The following ADAMTSL1 variants were observed in gnomAD, a reference collection of about 807,000 sequenced individuals.
ADAMTSL1 encodes the protein ADAMTS like 1.
In ADAMTSL1, 126 loss-of-function variants were observed where a neutral mutation model predicts 201.8. The observed-to-expected ratio is 0.62, with a 90% confidence interval of 0.54 to 0.72. ADAMTSL1 has a LOEUF of 0.72. ADAMTSL1 is among the 30% of genes least tolerant of loss of function. ADAMTSL1 has a pLI of 0.00. For missense variants in ADAMTSL1, 2,679 were observed against 2,277.8 expected (o/e 1.18, Z -3.59); for synonymous variants, 1,121 against 903.4 (o/e 1.24, Z -4.32).
At chr9:18,199,744 G>C (rs1363572796) in intron 2 of ADAMTSL1, among the ~76,000 whole-genome samples, 1 of 152,062 alleles carries the variant, frequency 6.6e-6, no homozygotes, top group Non-Finnish European at 1.5e-5. Flanking sequence ...GATATATGCT[G>C]ATCCTCCAAG....
At chr9:18,629,752 G>A (rs917267943) in intron 5 of ADAMTSL1, among the ~76,000 whole-genome samples, 2 of 152,192 alleles carry the variant, frequency 1.3e-5, no homozygotes, top group South Asian at 2.1e-4. Context: ...GGCCTCAAAC[G>A]ATGAGTAGAG....
intron 2 of ADAMTSL1, among the ~76,000 whole-genome samples, chr9:18,211,316 G>GC (rs1055508938): frequency 1.3e-5 from 2 of 151,902 alleles, no homozygotes; most frequent in Admixed American, 6.6e-5. Flanking sequence ...AAATACAATG[G>GC]CCCCCCTCCA....
chr9:18,064,440 A>G (rs979205873), intron 1 of ADAMTSL1, among the ~76,000 whole-genome samples: 1 of 152,184 alleles, frequency 6.6e-6, no homozygotes, highest in Non-Finnish European at 1.5e-5. Flanking sequence ...TAGGAGTTCT[A>G]TTTCATTAGA....
At chr9:18,004,554 A>T (rs1283524066) in intron 1 of ADAMTSL1, among the ~76,000 whole-genome samples, 1 of 152,078 alleles carries the variant, frequency 6.6e-6, no homozygotes, top group Non-Finnish European at 1.5e-5. Context: ...TGTCACACAC[A>T]GGTGTTTGTT....
At chr9:18,254,030 T>A (rs12379180) in intron 2 of ADAMTSL1, among the ~76,000 whole-genome samples, 1,809 of 152,232 alleles carry the variant, frequency 0.012, 13 homozygotes, top group Non-Finnish European at 0.021. Context: ...GATATCATCG[T>A]GTTTGGGAGG....
chr9:18,152,742 T>C (rs1169114972), intron 1 of ADAMTSL1, among the ~76,000 whole-genome samples: 2 of 151,714 alleles, frequency 1.3e-5, no homozygotes, highest in African/African-American at 4.8e-5. Context: ...GGAGTAGTGA[T>C]GACAGAAGTC....
At chr9:18,347,243 A>C (rs1835768974) in intron 2 of ADAMTSL1, among the ~76,000 whole-genome samples, 1 of 152,114 alleles carries the variant, frequency 6.6e-6, no homozygotes, top group Non-Finnish European at 1.5e-5. Flanking sequence ...AGACAAAAAA[A>C]TATTCCTGGG....
intron 2 of ADAMTSL1, among the ~76,000 whole-genome samples, chr9:18,202,379 G>C (rs373497542): frequency 4.3e-4 from 66 of 152,316 alleles, no homozygotes; most frequent in African/African-American, 1.5e-3. Context: ...ACTTCATTCA[G>C]ACAGTAGTTA....
intron 13 of ADAMTSL1, among the ~76,000 whole-genome samples, chr9:18,692,352 G>A (rs1336577545): frequency 6.6e-6 from 1 of 152,214 alleles, no homozygotes; most frequent in Non-Finnish European, 1.5e-5. Context: ...AGAGCAGATA[G>A]AGCCGTTTTT....
intron 1 of ADAMTSL1, among the ~76,000 whole-genome samples, chr9:18,093,427 A>G (rs1824111327): frequency 6.6e-6 from 1 of 152,192 alleles, no homozygotes; most frequent in Admixed American, 6.6e-5. Context: ...TCTGTAGTTG[A>G]AAGTTAACAA....
intron 2 of ADAMTSL1, among the ~76,000 whole-genome samples, chr9:18,513,246 C>T (rs912358723): frequency 6.6e-6 from 1 of 152,106 alleles, no homozygotes; most frequent in Non-Finnish European, 1.5e-5. Context: ...TGCAGCAGAT[C>T]TCTACAATTT....
At chr9:18,358,567 A>G (rs1183999781) in intron 2 of ADAMTSL1, among the ~76,000 whole-genome samples, 1 of 152,140 alleles carries the variant, frequency 6.6e-6, no homozygotes, top group Admixed American at 6.5e-5. Context: ...TGACTAATCA[A>G]CTTTCTGTCT....
intron 12 of ADAMTSL1, among the ~76,000 whole-genome samples, chr9:18,682,367 A>G (rs1185152315): frequency 6.6e-6 from 1 of 152,224 alleles, no homozygotes; most frequent in Non-Finnish European, 1.5e-5. Flanking sequence ...GGGAAGTCTC[A>G]TACTTCAAAC....
intron 1 of ADAMTSL1, among the ~76,000 whole-genome samples, chr9:18,042,909 G>A (rs1821490670): frequency 6.6e-6 from 1 of 152,032 alleles, no homozygotes; most frequent in East Asian, 1.9e-4. Context: ...TTAGAAATTT[G>A]CCATCCAGGA....
intron 1 of ADAMTSL1, among the ~76,000 whole-genome samples, chr9:18,141,768 C>G (rs1826407827): frequency 6.6e-6 from 1 of 152,214 alleles, no homozygotes; most frequent in South Asian, 2.1e-4. Context: ...TCACATACTC[C>G]TGTAGATCTT....
intron 2 of ADAMTSL1, among the ~76,000 whole-genome samples, chr9:18,271,361 G>A (rs982632952): frequency 6.6e-6 from 1 of 151,882 alleles, no homozygotes; most frequent in African/African-American, 2.4e-5. Context: ...GGTGTGTGAT[G>A]TTCCCTTCCT....
chr9:18,338,612 T>C (rs1199169085), intron 2 of ADAMTSL1, among the ~76,000 whole-genome samples: 1 of 152,050 alleles, frequency 6.6e-6, no homozygotes, highest in East Asian at 1.9e-4. Flanking sequence ...TTGCCCAGCT[T>C]ATTTTTCATT....
chr9:18,838,995 C>T (rs890854890), intron 23 of ADAMTSL1, among the ~76,000 whole-genome samples: 5 of 150,062 alleles, frequency 3.3e-5, no homozygotes, highest in African/African-American at 4.9e-5. Context: ...ACATTTGGCC[C>T]ACCCCCTCTT....
At chr9:18,718,512 G>C in intron 14 of ADAMTSL1, 1 of 554,624 alleles carries the variant, frequency 1.8e-6, no homozygotes. Context: ...AGAATGACTA[G>C]CTTATACTCA....
Sources: gnomAD v4.1 joint callset for allele counts (sites outside exome capture counted in the v4.1 genomes callset) on GRCh38, gnomAD v4.1.1 for gene constraint, MANE v1.5 for transcripts, NCBI Gene and HGNC (gene_info 2026-07-23, HGNC 2026-07-21) for gene names.